Variants in ZNF385B observed in about 807,000 individuals in gnomAD.
The protein encoded by ZNF385B is zinc finger protein 385B, also known as zinc finger protein 533.
A neutral mutation model predicts 39.2 loss-of-function variants in ZNF385B; 23 were observed. The observed-to-expected ratio is 0.59, with a 90% CI of 0.42 to 0.83. The LOEUF is 0.83. Ranked by LOEUF, ZNF385B falls within the 40% of genes least tolerant of loss-of-function variation. The pLI, the probability that ZNF385B is intolerant of heterozygous loss-of-function variation, is 0.00. For synonymous variants in ZNF385B, 205 were observed against 222.6 expected, an observed-to-expected ratio of 0.92 and a Z score of 0.70; for missense variants, 552 against 598.9, an observed-to-expected ratio of 0.92 and a Z score of 0.82.
intron 3 of ZNF385B, among the ~76,000 whole-genome samples, chr2:179,706,612 C>G (rs149230928): frequency 6.6e-6 from 1 of 152,110 alleles, no homozygotes; most frequent in African/African-American, 2.4e-5. Flanking sequence ...TGGTTCCCAC[C>G]GCATGAGTAC....
In ZNF385B at chr2:179,444,081, C is replaced by T. The variant is rs532773292; in HGVS notation, c.1243-613G>A. 3.3e-5 allele frequency among the ~76,000 whole-genome samples: 5 copies of T among 152,314 alleles called. No individual in the cohort carries two copies. The South Asian group carries it at 1.0e-3, about 32-fold the overall frequency. On this transcript the variant is annotated intron_variant, in intron 9 of 9. Transcript: ENST00000410066. ...ATTTAACGGAATGCCAGGATGGAAT[C>T]CTCCTGTGAAGAAATCAATCCTTAA...
At chr2:179,812,045 A>G (rs1273692641) in intron 1 of ZNF385B, among the ~76,000 whole-genome samples, 1 of 152,150 alleles carries the variant, frequency 6.6e-6, no homozygotes, top group Non-Finnish European at 1.5e-5. Context: ...AAAATGCTCA[A>G]TATCACTAAT....
intron 3 of ZNF385B, among the ~76,000 whole-genome samples, chr2:179,670,044 CA>C (rs1695708668): frequency 6.6e-6 from 1 of 152,082 alleles, no homozygotes; most frequent in Non-Finnish European, 1.5e-5. Flanking sequence ...GTAATCCCAG[CA>C]CTTTGGGAGG....
At chr2:179,640,800 AT>A (rs1692198822) in intron 3 of ZNF385B, among the ~76,000 whole-genome samples, 1 of 152,162 alleles carries the variant, frequency 6.6e-6, no homozygotes, top group African/African-American at 2.4e-5. Flanking sequence ...AACAAAAAAA[AT>A]CTTAAGTAAC....
At chr2:179,580,917 C>T (rs1327811717) in intron 3 of ZNF385B, among the ~76,000 whole-genome samples, 1 of 152,164 alleles carries the variant, frequency 6.6e-6, no homozygotes, top group African/African-American at 2.4e-5. Context: ...ACATGAGGGG[C>T]TGACAACCTG....
chr2:179,606,523 G>A (rs531061432), intron 3 of ZNF385B, among the ~76,000 whole-genome samples: 264 of 152,054 alleles, frequency 1.7e-3, no homozygotes, highest in African/African-American at 6.3e-3. Flanking sequence ...TTTAGGTTGT[G>A]GGTGCTGTGG....
intron 3 of ZNF385B, among the ~76,000 whole-genome samples, chr2:179,684,160 G>A (rs886909975): frequency 2.6e-5 from 4 of 152,118 alleles, no homozygotes; most frequent in East Asian, 1.9e-4. Flanking sequence ...AGGAGCCTCC[G>A]TTAGCATATC....
chr2:179,675,519 C>A (rs1387835549), intron 3 of ZNF385B, among the ~76,000 whole-genome samples: 1 of 152,202 alleles, frequency 6.6e-6, no homozygotes, highest in Non-Finnish European at 1.5e-5. Flanking sequence ...CCTTGTCAAT[C>A]TGATTTGTTC....
At chr2:179,578,125 T>C in intron 3 of ZNF385B, among the ~76,000 whole-genome samples, 1 of 152,100 alleles carries the variant, frequency 6.6e-6, no homozygotes. Flanking sequence ...TGGATAATGT[T>C]TATATTTATG....
At chr2:179,486,040 G>A (rs79683872) in intron 5 of ZNF385B, among the ~76,000 whole-genome samples, 2,739 of 152,168 alleles carry the variant, frequency 0.018, 79 homozygotes, top group African/African-American at 0.062. Flanking sequence ...CACGTGGGGA[G>A]AAAAGTGTAA....
chr2:179,533,443 A>T (rs2059378465), intron 4 of ZNF385B, among the ~76,000 whole-genome samples: 1 of 152,204 alleles, frequency 6.6e-6, no homozygotes, highest in South Asian at 2.1e-4. Context: ...TTTTTTATGC[A>T]TATGTACATA....
chr2:179,803,382 C>T (rs1383768556), intron 1 of ZNF385B, among the ~76,000 whole-genome samples: 2 of 152,066 alleles, frequency 1.3e-5, no homozygotes, highest in African/African-American at 4.8e-5. Flanking sequence ...AAGCAATAAA[C>T]TGCTGAGACC....
chr2:179,848,145 GC>G (rs1192078664), intron 1 of ZNF385B, among the ~76,000 whole-genome samples: 2 of 152,188 alleles, frequency 1.3e-5, no homozygotes, highest in Non-Finnish European at 2.9e-5. Context: ...GAATTATGGA[GC>G]TATGTGGAGA....
intron 3 of ZNF385B, among the ~76,000 whole-genome samples, chr2:179,586,449 T>A (rs1486966486): frequency 6.6e-6 from 1 of 152,190 alleles, no homozygotes; most frequent in Non-Finnish European, 1.5e-5. Flanking sequence ...TCTAAGCCTC[T>A]ATTATTACCA....
chr2:179,759,735 G>A (rs1226838998), intron 3 of ZNF385B, among the ~76,000 whole-genome samples: 1 of 152,054 alleles, frequency 6.6e-6, no homozygotes, highest in Non-Finnish European at 1.5e-5. Flanking sequence ...GTTACATGTA[G>A]ATCTGTCATT....
At chr2:179,730,776 T>C (rs776940330) in intron 3 of ZNF385B, among the ~76,000 whole-genome samples, 8 of 152,012 alleles carry the variant, frequency 5.3e-5, no homozygotes, top group African/African-American at 9.7e-5. Flanking sequence ...TGTGAAGTAA[T>C]AGAAAAATTA....
chr2:179,836,611 C>T (rs1374091179), intron 1 of ZNF385B, among the ~76,000 whole-genome samples: 4 of 150,074 alleles, frequency 2.7e-5, no homozygotes, highest in South Asian at 2.1e-4. Flanking sequence ...CTCCGCTTCC[C>T]GGGTTCACGC....
chr2:179,468,908 G>C, intron 6 of ZNF385B, among the ~76,000 whole-genome samples: 1 of 152,128 alleles, frequency 6.6e-6, no homozygotes, highest in South Asian at 2.1e-4. Context: ...TGGACATTCA[G>C]GGGTTGGACT....
intron 3 of ZNF385B, chr2:179,745,722 G>C: frequency 1.9e-6 from 3 of 1,542,538 alleles, no homozygotes; most frequent in South Asian, 2.4e-5. Context: ...CCTCTGCTAG[G>C]AAGTCCACTC....
Sources: allele counts gnomAD v4.1 joint callset (sites outside exome capture counted in the v4.1 genomes callset), GRCh38; gene constraint gnomAD v4.1.1; transcripts MANE v1.5; gene names NCBI Gene and HGNC (gene_info 2026-07-23, HGNC 2026-07-21).